Variants in FRS2 observed in about 807,000 individuals in gnomAD.
FRS2 encodes fibroblast growth factor receptor substrate 2, also known as FGFR signalling adaptor.
In FRS2, 8 loss-of-function variants were observed where a neutral mutation model predicts 43.9. The ratio of observed to expected loss-of-function variants is 0.18; its 90% confidence interval spans 0.11 to 0.33. The LOEUF is 0.33. Ranked by LOEUF, FRS2 falls within the 10% of genes least tolerant of loss-of-function variation. The pLI is 1.00. For synonymous variants in FRS2, 219 were observed against 220.3 expected (o/e 0.99, Z 0.05); for missense variants, 534 against 627.6 (o/e 0.85, Z 1.59).
intron 3 of FRS2, chr12:69,557,803 C>T (rs1212650668): frequency 6.6e-6 from 1 of 152,078 alleles, no homozygotes; most frequent in Non-Finnish European, 1.5e-5. Flanking sequence ...CCTATAGATA[C>T]GTACCAAGAT....
At chr12:69,476,424 C>G (rs1348488363) in intron 1 of FRS2, among the ~76,000 whole-genome samples, 1 of 152,110 alleles carries the variant, frequency 6.6e-6, no homozygotes, top group Non-Finnish European at 1.5e-5. Context: ...GATTAGCCAA[C>G]AAGATAAATA....
intron 3 of FRS2, among the ~76,000 whole-genome samples, chr12:69,554,781 T>G (rs1724857177): frequency 6.6e-6 from 1 of 152,114 alleles, no homozygotes; most frequent in Admixed American, 6.5e-5. Flanking sequence ...CACAGCTCAC[T>G]GCACTGTTGG....
In FRS2 at chr12:69,575,163, T is replaced by A; in HGVS notation, c.*208T>A. 1 of 482,792 alleles carries A rather than the reference T, an allele frequency of 2.1e-6. No individual in the cohort carries two copies. Among genetic ancestry groups the A allele is most frequent in the South Asian group, 4.5e-5 (1 of 22,290 alleles). The allele number at this position is 482,792 out of a possible 1,614,324, so 29.9% of individuals were successfully genotyped here. Reference sequence around the variant, plus strand: ...TAATTTCATTATATACTACTCGTTGTACAGCAGCATTCCCGTTTTCACAGT... The same window carrying A: ...TAATTTCATTATATACTACTCGTTGAACAGCAGCATTCCCGTTTTCACAGT... On this transcript the variant is annotated 3_prime_UTR_variant, in exon 9 of 9. Transcript: ENST00000549921.
chr12:69,534,772 A>G (rs539619279), intron 3 of FRS2, among the ~76,000 whole-genome samples: 1 of 152,162 alleles, frequency 6.6e-6, no homozygotes, highest in African/African-American at 2.4e-5. Context: ...TTTTGTTTTC[A>G]TGTAAGCCAC....
chr12:69,514,909 G>T (rs1400317862), intron 1 of FRS2, among the ~76,000 whole-genome samples: 1 of 151,912 alleles, frequency 6.6e-6, no homozygotes, highest in African/African-American at 2.4e-5. Flanking sequence ...AAATCATATG[G>T]CAGGAGAAGT....
rs1555194298 is a variant in FRS2, at chr12:69,570,537, T to TC, written c.253+23dup. Reference sequence around the variant, plus strand: ...GACAAGGTAGAACCTTTGTTTTTTTTCCCAAATATTGTATTTGAAATTGTT... The same window carrying TC: ...GACAAGGTAGAACCTTTGTTTTTTTTCCCCAAATATTGTATTTGAAATTGTT... On this transcript the variant is annotated intron_variant, in intron 6 of 8. Transcript: ENST00000549921. 3 of 1,450,708 alleles carry TC rather than the reference T, an allele frequency of 2.1e-6. No homozygotes were observed. Among genetic ancestry groups the TC allele is most frequent in the South Asian group, 1.2e-5 (1 of 86,398 alleles). The allele number at this position is 1,450,708 out of a possible 1,614,324, so 89.9% of individuals were successfully genotyped here.
chr12:69,482,970 C>T (rs535917950), intron 1 of FRS2, among the ~76,000 whole-genome samples: 1 of 152,308 alleles, frequency 6.6e-6, no homozygotes, highest in African/African-American at 2.4e-5. Flanking sequence ...TACATTCCCA[C>T]ATCTCCCACT....
intron 1 of FRS2, among the ~76,000 whole-genome samples, chr12:69,490,689 A>T (rs1197426966): frequency 6.6e-6 from 1 of 152,148 alleles, no homozygotes. Context: ...CTGTAAAAAG[A>T]TTGCTTTGGG....
chr12:69,488,781 CTTAAA>C (rs1411192433), intron 1 of FRS2, among the ~76,000 whole-genome samples: 2 of 152,182 alleles, frequency 1.3e-5, no homozygotes, highest in African/African-American at 2.4e-5. Context: ...TTCATACGAT[CTTAAA>C]TTATATAATT....
chr12:69,551,438 T>C (rs1049568450), intron 3 of FRS2, among the ~76,000 whole-genome samples: 2 of 152,250 alleles, frequency 1.3e-5, no homozygotes, highest in African/African-American at 2.4e-5. Context: ...AGTGTAGTTA[T>C]GAATGTGGCT....
At chr12:69,498,222 A>G (rs1353154430) in intron 1 of FRS2, among the ~76,000 whole-genome samples, 2 of 152,204 alleles carry the variant, frequency 1.3e-5, no homozygotes, top group Non-Finnish European at 1.5e-5. Context: ...AGGAAATACT[A>G]AAATATGCAA....
intron 3 of FRS2, chr12:69,537,828 C>A (rs1877459160): frequency 6.6e-6 from 1 of 152,560 alleles, no homozygotes. Context: ...GACATATAGT[C>A]TATTTTTCAT....
intron 3 of FRS2, chr12:69,537,854 T>C (rs753896707): frequency 6.6e-5 from 10 of 152,656 alleles, no homozygotes; most frequent in Non-Finnish European, 1.3e-4. Context: ...TTATGCCTTT[T>C]CATCCTTTTT....
chr12:69,489,530 T>A (rs1872264298), intron 1 of FRS2, among the ~76,000 whole-genome samples: 3 of 151,768 alleles, frequency 2.0e-5, no homozygotes, highest in Admixed American at 1.3e-4. Context: ...ATTGGCTGGG[T>A]GTGGTGGCGC....
rs547497 is a variant in FRS2 at position 69,574,082 on chromosome 12, G to A, written c.654G>A (p.Ala218=). The A allele has an allele frequency of 0.48, 779,302 of 1,613,550 alleles. 190,347 individuals are homozygous for A. The highest frequency in any genetic ancestry group is 0.56 in the South Asian group (50,811 of 91,074). ...NRTSVHVPLE[A]RVSNAESSTP... The stretch of plus-strand genomic sequence containing the variant: ...CAAGTGTGCATGTTCCATTGGAGGC[G>A]AGGGTTTCTAACGCTGAAAGCAGCA... Residue 218 remains alanine, a synonymous_variant, in exon 9 of 9, where the codon GCG becomes GCA. Transcript: ENST00000549921.
intron 1 of FRS2, among the ~76,000 whole-genome samples, chr12:69,528,242 A>T (rs1443833318): frequency 1.3e-5 from 2 of 152,194 alleles, no homozygotes. Flanking sequence ...AAGAAAAAAT[A>T]ATTAAGTTTA....
At chr12:69,528,146 ATC>A (rs1247414129) in intron 1 of FRS2, among the ~76,000 whole-genome samples, 3 of 152,212 alleles carry the variant, frequency 2.0e-5, no homozygotes, top group Non-Finnish European at 4.4e-5. Context: ...TCCCCTGGCT[ATC>A]TCTCTTAAGA....
At chr12:69,496,533 G>T (rs1872915520) in intron 1 of FRS2, among the ~76,000 whole-genome samples, 1 of 152,168 alleles carries the variant, frequency 6.6e-6, no homozygotes, top group Non-Finnish European at 1.5e-5. Context: ...TATTTTTGAA[G>T]TGTCCAGCTA....
chr12:69,518,831 A>G (rs1252177108), intron 1 of FRS2, among the ~76,000 whole-genome samples: 2 of 151,982 alleles, frequency 1.3e-5, no homozygotes, highest in South Asian at 4.2e-4. Flanking sequence ...CCTGACAAAC[A>G]TGGAGAAACC....
Sources: allele counts gnomAD v4.1 joint callset (sites outside exome capture counted in the v4.1 genomes callset), GRCh38; gene constraint gnomAD v4.1.1; transcripts MANE v1.5; gene names NCBI Gene and HGNC (gene_info 2026-07-23, HGNC 2026-07-21).